CLCA1: variants seen among roughly 807,000 people sequenced by gnomAD.
The protein encoded by CLCA1 is chloride channel accessory 1.
A neutral mutation model predicts 85.6 loss-of-function variants in CLCA1; 59 were observed. The observed-to-expected ratio is 0.69, with a 90% CI of 0.56 to 0.86. The LOEUF (loss-of-function observed/expected upper bound fraction) is 0.86. Ranked by LOEUF, CLCA1 falls within the 40% of genes least tolerant of loss-of-function variation. The pLI is 0.00. For missense variants in CLCA1, 1,022 were observed against 1,101.4 expected (o/e 0.93, Z 1.02); for synonymous variants, 396 against 398.3 (o/e 0.99, Z 0.07).
Position 86,475,537 on chromosome 1 carries a change from G to A in CLCA1, c.452-911G>A, listed in dbSNP as rs1647617546. 2.0e-5 allele frequency among the ~76,000 whole-genome samples: 3 copies of A among 152,304 alleles called. No individual in the cohort carries two copies. In the South Asian group the frequency reaches 6.2e-4, roughly 32 times the overall value. ...GGGAGACTGGCAAGTAAGTAGCAAT[G>A]ACTGTTTATCATTGTAAGTGCCTAA... On this transcript the variant is annotated intron_variant, in intron 3 of 13. Transcript: ENST00000394711.
intron 1 of CLCA1, among the ~76,000 whole-genome samples, chr1:86,472,073 A>C (rs1476377132): frequency 6.6e-6 from 1 of 152,018 alleles, no homozygotes; most frequent in South Asian, 2.1e-4. Flanking sequence ...TAATATTAAA[A>C]CAAACAAAAC....
intron 12 of CLCA1, among the ~76,000 whole-genome samples, chr1:86,498,106 C>T (rs1221502512): frequency 6.7e-6 from 1 of 150,060 alleles, no homozygotes; most frequent in African/African-American, 2.5e-5. Context: ...TTGCGCCACA[C>T]CAGCCTGGAT....
At chr1:86,473,604 C>G (rs776707497) in intron 2 of CLCA1, 47 bp downstream of exon 2, 3 of 1,508,562 alleles carry the variant, frequency 2.0e-6, no homozygotes. Context: ...CTCCTGTAAC[C>G]AAGATTTTTT....
chr1:86,492,944 A>C (rs1648174605), intron 9 of CLCA1, among the ~76,000 whole-genome samples: 1 of 152,212 alleles, frequency 6.6e-6, no homozygotes, highest in Non-Finnish European at 1.5e-5. Flanking sequence ...CCTATAGGAG[A>C]TCAGAGGAAG....
At position 86,496,374 on chromosome 1, in the gene CLCA1, A is replaced by G. The variant is rs1648286140; in HGVS notation, c.2113+699A>G. On this transcript the variant is annotated intron_variant, in intron 12 of 13. Coordinates refer to ENST00000394711, the MANE Select transcript of CLCA1 (RefSeq NM_001285.4). ...TCTCCTCCTGCTCAGGCCAGGGAGCATAGTAGATGAATTTCATGTGGGCCA... is the reference window on the plus strand; with the variant it reads ...TCTCCTCCTGCTCAGGCCAGGGAGCGTAGTAGATGAATTTCATGTGGGCCA... Among the ~76,000 whole-genome samples the G allele has an allele frequency of 2.6e-5, 4 of 152,296 alleles. No individual in the cohort carries two copies. The South Asian group carries it at 8.3e-4, about 32-fold the overall frequency.
intron 1 of CLCA1, among the ~76,000 whole-genome samples, chr1:86,472,025 T>TG (rs1331051771): frequency 3.5e-5 from 2 of 56,634 alleles, no homozygotes; most frequent in Non-Finnish European, 8.9e-5. Context: ...TTTACATTTT[T>TG]GTTTTTTTTT....
In CLCA1 at chr1:86,489,133, T is replaced by C; in HGVS notation, c.1320T>C (p.Ser440=). The change falls in exon 8 of 14, where the codon TCT becomes TCC. Residue 440 remains serine, a synonymous_variant. Coordinates refer to ENST00000394711, the MANE Select transcript of CLCA1 (RefSeq NM_001285.4). ...AIIHTVALGP[S]AAQELEELSK... ...TCCACACAGTCGCTTTGGGGCCCTC[T>C]GCAGCTCAAGAACTAGAGGAGCTGT... is the stretch of plus-strand genomic sequence containing the variant. 6.2e-7 allele frequency: 1 copy of C among 1,614,018 alleles called. No homozygotes were observed. The highest frequency in any genetic ancestry group is 1.1e-5 in the South Asian group (1 of 91,068).
Position 86,486,649 on chromosome 1 carries a change from A to G in CLCA1, c.1078A>G (p.Ile360Val), listed in dbSNP as rs755670585. ...DSAAHVQNEL[I>V]QINSGSDRDT... ...TGCTGCCCATGTACAAAATGAACTC[A>G]TACAGATAAACAGTGGCAGTGACAG... Residue 360 changes from isoleucine to valine, a missense_variant, in exon 7 of 14, where the codon ATA (isoleucine) becomes GTA (valine). Transcript: ENST00000394711. The G allele has an allele frequency of 6.8e-6, 11 of 1,614,210 alleles. No homozygotes were observed. The highest frequency in any genetic ancestry group is 1.6e-4 in the Middle Eastern group (1 of 6,062).
intron 1 of CLCA1, among the ~76,000 whole-genome samples, chr1:86,470,118 G>A (rs1456530994): frequency 1.3e-5 from 2 of 152,156 alleles, no homozygotes; most frequent in African/African-American, 4.8e-5. Flanking sequence ...AAAATTAATA[G>A]AACAAGGGCC....
intron 2 of CLCA1, 75 bp from the exon 3 acceptor site, chr1:86,473,654 A>T: frequency 6.7e-7 from 1 of 1,501,650 alleles, no homozygotes; most frequent in Non-Finnish European, 9.0e-7. Context: ...ATTGTTTGAA[A>T]CTTACTCCAG....
At chr1:86,484,445 T>C (rs1241666166) in intron 5 of CLCA1, among the ~76,000 whole-genome samples, 1 of 152,094 alleles carries the variant, frequency 6.6e-6, no homozygotes, top group Non-Finnish European at 1.5e-5. Flanking sequence ...AGACATGGAA[T>C]ACACAGCCAG....
chr1:86,483,851 A>C (rs1266396610), intron 5 of CLCA1, among the ~76,000 whole-genome samples: 1 of 152,198 alleles, frequency 6.6e-6, no homozygotes, highest in Non-Finnish European at 1.5e-5. Flanking sequence ...TCTATAAACT[A>C]TATCTAAGAC....
chr1:86,470,447 C>T (rs948007678), intron 1 of CLCA1, among the ~76,000 whole-genome samples: 2 of 152,136 alleles, frequency 1.3e-5, no homozygotes, highest in African/African-American at 4.8e-5. Flanking sequence ...CAGTCTCTGG[C>T]TAGACAGTGG....
intron 6 of CLCA1, 54 bp downstream of exon 6, chr1:86,485,615 T>C (rs1647943254): frequency 2.0e-6 from 3 of 1,505,922 alleles, no homozygotes; most frequent in Non-Finnish European, 2.8e-6. Flanking sequence ...ATGCATGTTC[T>C]GGACCCTGAC....
chr1:86,485,598 C>A, intron 6 of CLCA1, 37 bp downstream of exon 6: 2 of 1,570,498 alleles, frequency 1.3e-6, no homozygotes, highest in South Asian at 1.1e-5. Flanking sequence ...GGATGCTGGT[C>A]ACAGATATGC....
intron 13 of CLCA1, 57 bp downstream of exon 13, chr1:86,498,868 A>T: frequency 6.4e-7 from 1 of 1,564,244 alleles, no homozygotes; most frequent in East Asian, 2.3e-5. Flanking sequence ...GTAGAAGAGC[A>T]GAAGCGGGTG....
chr1:86,469,139 T>C lies in CLCA1; in HGVS notation c.162+6T>C, dbSNP rs746527117. On this transcript the variant is annotated splice_donor_region_variant and intron_variant, in intron 1 of 13. Coordinates refer to ENST00000394711, the MANE Select transcript of CLCA1 (RefSeq NM_001285.4). ...CACTCATTCAACAAATAAAGGTAAGTTCATAGTAATTATCCATACTTTTTT... is the reference window on the plus strand; with the variant it reads ...CACTCATTCAACAAATAAAGGTAAGCTCATAGTAATTATCCATACTTTTTT... The C allele has an allele frequency of 1.9e-6, 3 of 1,586,060 alleles. No homozygotes were observed. Among genetic ancestry groups the C allele is most frequent in the East Asian group, 4.5e-5 (2 of 44,194 alleles).
intron 12 of CLCA1, 108 bp from the exon 13 acceptor site, chr1:86,498,464 A>G: frequency 9.2e-7 from 1 of 1,084,826 alleles, no homozygotes; most frequent in Non-Finnish European, 1.3e-6. Context: ...GTGGAAGGAA[A>G]GAAGCAGAAG....
intron 3 of CLCA1, among the ~76,000 whole-genome samples, chr1:86,474,345 G>C (rs1445370591): frequency 1.3e-5 from 2 of 152,160 alleles, no homozygotes; most frequent in East Asian, 1.9e-4. Flanking sequence ...ACGAGGTCAG[G>C]AGATCAAGAC....
Sources: allele counts gnomAD v4.1 joint callset (sites outside exome capture counted in the v4.1 genomes callset), GRCh38; gene constraint gnomAD v4.1.1; transcripts MANE v1.5; gene names NCBI Gene and HGNC (gene_info 2026-07-23, HGNC 2026-07-21).